FRMD7: variants seen among roughly 807,000 people sequenced by gnomAD.
FRMD7 encodes the protein FERM domain containing 7, also known as FERM domain-containing protein 7.
A neutral mutation model predicts 44.1 loss-of-function variants in FRMD7; 14 were observed. The ratio of observed to expected loss-of-function variants is 0.32; its 90% CI spans 0.21 to 0.50. FRMD7 has a LOEUF of 0.50. Ranked by LOEUF, FRMD7 falls within the 20% of genes least tolerant of loss-of-function variation. The probability of loss-of-function intolerance (pLI) is 0.99; values close to 1 mark genes in which losing one functional copy is unlikely to be tolerated. For missense variants in FRMD7, 501 were observed against 522.3 expected, an observed-to-expected ratio of 0.96 and a Z score of 0.40; for synonymous variants, 212 against 187.4, an observed-to-expected ratio of 1.13 and a Z score of -1.07.
intron 1 of FRMD7, among the ~76,000 whole-genome samples, chrX:132,104,269 G>C (rs1284873244): frequency 3.6e-5 from 4 of 111,108 alleles, no homozygotes; most frequent in African/African-American, 9.9e-5. Context: ...GATAAAATAA[G>C]GGGGACTTTA....
At chrX:132,079,974 T>A (rs754832399) in intron 11 of FRMD7, 32 bp downstream of exon 11, 24 of 952,524 alleles carry the variant, frequency 2.5e-5, no homozygotes, top group Non-Finnish European at 1.8e-5. Flanking sequence ...ATTACATTTA[T>A]CTAAAGAAGT....
intron 2 of FRMD7, among the ~76,000 whole-genome samples, 162 bp from the exon 3 acceptor site, chrX:132,099,672 G>A (rs1327767501): frequency 9.0e-6 from 1 of 111,612 alleles, no homozygotes; most frequent in East Asian, 2.8e-4. Flanking sequence ...GGCATACTAC[G>A]TTTAATCTGC....
rs192549850 is a variant in FRMD7 at position 132,080,824 on chromosome X, A to C, written c.906-558T>G. 1.9e-4 allele frequency among the ~76,000 whole-genome samples: 21 copies of C among 111,047 alleles called. No homozygotes were observed. In the East Asian group the frequency reaches 3.7e-3, roughly 20 times the overall value. ...CGAGACCCTGTCTCAAATAATAATAACAATATATTTCCCTTTAAAGGCTTT... is the reference window on the plus strand; with the variant it reads ...CGAGACCCTGTCTCAAATAATAATACCAATATATTTCCCTTTAAAGGCTTT... On this transcript the variant is annotated intron_variant, in intron 9 of 11. Transcript: ENST00000298542.
chrX:132,104,007 C>A (rs763268643), intron 1 of FRMD7, among the ~76,000 whole-genome samples: 1 of 111,933 alleles, frequency 8.9e-6, no homozygotes, highest in East Asian at 2.8e-4. Context: ...TGACCTTGGG[C>A]AATTACTGAA....
intron 1 of FRMD7, among the ~76,000 whole-genome samples, chrX:132,125,239 G>T (rs1029673772): frequency 8.9e-6 from 1 of 111,820 alleles, no homozygotes; most frequent in African/African-American, 3.2e-5. Context: ...AGTACTGGGG[G>T]TGGAGAAAGG....
At chrX:132,115,441 T>C (rs771341198) in intron 1 of FRMD7, among the ~76,000 whole-genome samples, 1 of 112,689 alleles carries the variant, frequency 8.9e-6, no homozygotes, top group South Asian at 3.7e-4. Flanking sequence ...TTCTTTTAAG[T>C]ACTACACATC....
chrX:132,110,093 A>G (rs776099277), intron 1 of FRMD7, among the ~76,000 whole-genome samples: 2 of 111,263 alleles, frequency 1.8e-5, no homozygotes, highest in South Asian at 7.7e-4. Flanking sequence ...CCAAGCTGTA[A>G]AGTGCATATG....
chrX:132,091,420 GCC>G (rs1928166811), intron 5 of FRMD7, among the ~76,000 whole-genome samples: 1 of 111,529 alleles, frequency 9.0e-6, no homozygotes, highest in South Asian at 3.7e-4. Flanking sequence ...TGCTCTCTTT[GCC>G]AGGATTCTCT....
chrX:132,081,189 C>T (rs930286716), intron 9 of FRMD7, among the ~76,000 whole-genome samples: 5 of 111,182 alleles, frequency 4.5e-5, no homozygotes, highest in East Asian at 2.8e-4. Flanking sequence ...AAAAATTAGC[C>T]GGGTGTGGTG....
intron 9 of FRMD7, among the ~76,000 whole-genome samples, chrX:132,081,219 G>A (rs1023989759): frequency 1.8e-5 from 2 of 111,354 alleles, no homozygotes; most frequent in South Asian, 7.6e-4. Context: ...TGTAATTCCA[G>A]CTACTTGGGA....
intron 1 of FRMD7, among the ~76,000 whole-genome samples, chrX:132,127,407 C>A (rs1929182057): frequency 8.9e-6 from 1 of 112,133 alleles, no homozygotes; most frequent in African/African-American, 3.2e-5. Flanking sequence ...TCCCCCACTC[C>A]TTTCCCTCAG....
At chrX:132,088,557 CA>C (rs150701717) in intron 5 of FRMD7, among the ~76,000 whole-genome samples, 20,622 of 70,101 alleles carry the variant, frequency 0.29, 2,055 homozygotes, top group Middle Eastern at 0.44. Context: ...GGCCCTGTCT[CA>C]AAAAAAAAAA....
At position 132,078,305 on chromosome X, in the gene FRMD7, T is replaced by G. The variant is rs1342987590; in HGVS notation, c.1712A>C (p.Asp571Ala). ...TACAAATGCATCTTCCAAATTTGGG[T>G]CTTCCTCTTCTAGACCTACATTGAT... Reference protein sequence around the residue: ...SNINVGLEEEDPNLEDAFVCN... With the variant: ...SNINVGLEEEAPNLEDAFVCN... Residue 571 changes from aspartate to alanine, a missense_variant, in exon 12 of 12, where the codon GAC becomes GCC. Asp to Ala is a moderately radical substitution (Grantham distance 126). This residue lies in a region of FRMD7 where 453 missense variants were observed against 452.7 expected (regional missense o/e 1.00). Transcript: ENST00000298542. 19 of 1,210,171 alleles carry G rather than the reference T, an allele frequency of 1.6e-5. No individual in the cohort carries two copies. The highest frequency in any genetic ancestry group is 2.1e-5 in the Non-Finnish European group (19 of 895,171).
chrX:132,086,622 A>G, intron 5 of FRMD7, among the ~76,000 whole-genome samples: 1 of 109,005 alleles, frequency 9.2e-6, no homozygotes, highest in East Asian at 2.9e-4. Flanking sequence ...TAACACAACA[A>G]GAAGGCAGCC....
chrX:132,095,086 ATTTATTT>A (rs1226219994), intron 4 of FRMD7, among the ~76,000 whole-genome samples: 1 of 103,251 alleles, frequency 9.7e-6, no homozygotes, highest in African/African-American at 3.5e-5. Context: ...TTATTTATTT[ATTTATTT>A]ATTTATTTAT....
At chrX:132,093,302 G>C (rs1375245720) in intron 5 of FRMD7, among the ~76,000 whole-genome samples, 1 of 112,611 alleles carries the variant, frequency 8.9e-6, no homozygotes, top group Non-Finnish European at 1.9e-5. Flanking sequence ...TGATCCTGCA[G>C]GACTGGTAAG....
chrX:132,117,584 AAGC>A (rs1432026150), intron 1 of FRMD7, among the ~76,000 whole-genome samples: 2 of 111,547 alleles, frequency 1.8e-5, no homozygotes, highest in Non-Finnish European at 3.8e-5. Context: ...CTTATTTAAA[AAGC>A]AGGGAACAAA....
intron 6 of FRMD7, 84 bp downstream of exon 6, chrX:132,085,836 G>T: frequency 9.7e-7 from 1 of 1,026,243 alleles, no homozygotes; most frequent in Non-Finnish European, 1.4e-6. Context: ...AAACTTCTCA[G>T]GTTTAAGGGC....
At position 132,126,046 on chromosome X, in the gene FRMD7, A is replaced by T. The variant is rs777887874; in HGVS notation, c.57+1742T>A. ...GTAAATTTTAAAGTGCTATCCACAG[A>T]TGACTCACTACTGCTATCATCATCA... On this transcript the variant is annotated intron_variant, in intron 1 of 11. Coordinates refer to ENST00000298542, the MANE Select transcript of FRMD7 (RefSeq NM_194277.3). 2.7e-5 allele frequency among the ~76,000 whole-genome samples: 3 copies of T among 111,101 alleles called. No individual in the cohort carries two copies. In the South Asian group the frequency reaches 1.1e-3, roughly 42 times the overall value.
Sources: gnomAD v4.1 joint callset for allele counts (sites outside exome capture counted in the v4.1 genomes callset) on GRCh38, gnomAD v4.1.1 for gene constraint, gnomAD v4.1.1 regional missense constraint, MANE v1.5 for transcripts, NCBI Gene and HGNC (gene_info 2026-07-23, HGNC 2026-07-21) for gene names.